KIAA0319L: variants seen among roughly 807,000 people sequenced by gnomAD.
KIAA0319L encodes the protein dyslexia-associated protein KIAA0319-like protein.
KIAA0319L carries 55 observed loss-of-function variants against 120.1 expected under a neutral mutation model. The observed-to-expected ratio is 0.46, with a 90% CI of 0.37 to 0.57. The LOEUF (loss-of-function observed/expected upper bound fraction) is 0.57, where lower values mean the gene tolerates loss of function less well. KIAA0319L is among the 20% of genes least tolerant of loss of function. The pLI is 0.00. For missense variants in KIAA0319L, 1,049 were observed against 1,255.3 expected (o/e 0.84, Z 2.48); for synonymous variants, 398 against 471.9 (o/e 0.84, Z 2.03).
intron 20 of KIAA0319L, chr1:35,440,231 G>A (rs931047106): frequency 6.6e-6 from 1 of 152,210 alleles, no homozygotes; most frequent in Admixed American, 6.5e-5. Context: ...TTCTGCTACT[G>A]TGTGTCTTTT....
chr1:35,511,215 GC>G (rs1645429743), intron 2 of KIAA0319L: 1 of 154,496 alleles, frequency 6.5e-6, no homozygotes, highest in Non-Finnish European at 1.4e-5. Context: ...CTGTAGGAAA[GC>G]CTTTACAAAG....
At chr1:35,441,215 C>T (rs1015748231) in intron 19 of KIAA0319L, 77 bp from the exon 20 acceptor site, 3 of 1,315,596 alleles carry the variant, frequency 2.3e-6, no homozygotes, top group Non-Finnish European at 3.3e-6. Flanking sequence ...GATGTGCATG[C>T]AGGGCCCTAT....
chr1:35,504,794 C>T (rs974043287), intron 3 of KIAA0319L, among the ~76,000 whole-genome samples: 55 of 152,184 alleles, frequency 3.6e-4, no homozygotes, highest in Non-Finnish European at 7.3e-4. Flanking sequence ...CTAATGGTTT[C>T]CCACTGATCT....
At chr1:35,557,548 A>C (rs1329972572), upstream of KIAA0319L, 1 of 396,020 alleles carries the variant, frequency 2.5e-6, no homozygotes, top group African/African-American at 2.1e-5. Context: ...AAAACTACGC[A>C]CAAGCGAAGG....
chr1:35,553,353 TAA>T (rs771119609), intron 2 of KIAA0319L, among the ~76,000 whole-genome samples: 14 of 136,864 alleles, frequency 1.0e-4, no homozygotes, highest in Non-Finnish European at 4.9e-5. Flanking sequence ...TCATCTGGGG[TAA>T]AAAAAAAAAA....
At chr1:35,482,159 G>A (rs182437552) in intron 3 of KIAA0319L, among the ~76,000 whole-genome samples, 8 of 151,928 alleles carry the variant, frequency 5.3e-5, no homozygotes, top group African/African-American at 1.9e-4. Flanking sequence ...TTCCTAAAAG[G>A]TTCTATAAAT....
chr1:35,552,702 G>A (rs1309077766), intron 2 of KIAA0319L, among the ~76,000 whole-genome samples: 2 of 152,138 alleles, frequency 1.3e-5, no homozygotes, highest in Non-Finnish European at 2.9e-5. Context: ...GCCAAAGTTG[G>A]AGGATCGACT....
intron 3 of KIAA0319L, among the ~76,000 whole-genome samples, chr1:35,498,545 A>G (rs1644893949): frequency 6.6e-6 from 1 of 152,010 alleles, no homozygotes; most frequent in African/African-American, 2.4e-5. Context: ...CATCTCTCCA[A>G]TTCTCTTCTC....
intron 16 of KIAA0319L, among the ~76,000 whole-genome samples, chr1:35,444,662 T>C (rs893364390): frequency 6.6e-6 from 1 of 152,214 alleles, no homozygotes; most frequent in African/African-American, 2.4e-5. Flanking sequence ...ACTCTCCATC[T>C]AACTGGAGGA....
chr1:35,486,758 A>G (rs1388352519), intron 3 of KIAA0319L, among the ~76,000 whole-genome samples: 1 of 151,328 alleles, frequency 6.6e-6, no homozygotes, highest in Non-Finnish European at 1.5e-5. Context: ...AAAAAAAATT[A>G]TAATTAGCTG....
chr1:35,508,422 C>T (rs1277386431), intron 2 of KIAA0319L, among the ~76,000 whole-genome samples: 1 of 152,168 alleles, frequency 6.6e-6, no homozygotes, highest in Non-Finnish European at 1.5e-5. Context: ...ATCTGACTCC[C>T]ACGGAATACT....
At chr1:35,526,386 T>TACATATATATATATATATATATATACAC (rs1558595992) in intron 2 of KIAA0319L, among the ~76,000 whole-genome samples, 14 of 118,238 alleles carry the variant, frequency 1.2e-4, no homozygotes, top group South Asian at 7.6e-4. Context: ...TATATATACA[T>TACATATATATATATATATATATATACAC]ACATATATAT....
intron 2 of KIAA0319L, among the ~76,000 whole-genome samples, chr1:35,523,041 T>G (rs1570944547): frequency 6.7e-6 from 1 of 148,880 alleles, no homozygotes; most frequent in Non-Finnish European, 1.5e-5. Flanking sequence ...AAAAAAAATC[T>G]TGTATGGTTT....
In KIAA0319L at chr1:35,449,916, A is replaced by G. The variant is rs766396851; in HGVS notation, c.2304T>C (p.Asp768=). Residue 768 remains aspartate, a synonymous_variant, in exon 15 of 21, where the codon GAT becomes GAC. Transcript: ENST00000325722. ...GTYTFHLKVT[D]AKGESDTDRT... is the part of the protein sequence containing the mutation. ...GGTCTGTGTCACTCTCACCCTTTGC[A>G]TCGGTCACTTTCAGGTGAAAAGTGT... 48 of 1,613,956 alleles carry G rather than the reference A, an allele frequency of 3.0e-5. No homozygotes were observed. The highest frequency in any genetic ancestry group is 3.9e-5 in the Non-Finnish European group (46 of 1,179,990).
chr1:35,515,547 G>A (rs1645646064), intron 2 of KIAA0319L, among the ~76,000 whole-genome samples: 1 of 152,126 alleles, frequency 6.6e-6, no homozygotes, highest in South Asian at 2.1e-4. Context: ...GAATCTCTGG[G>A]ACACAGCTAA....
At chr1:35,442,738 C>T (rs1449651724) in intron 18 of KIAA0319L, among the ~76,000 whole-genome samples, 168 bp downstream of exon 18, 1 of 152,208 alleles carries the variant, frequency 6.6e-6, no homozygotes, top group Non-Finnish European at 1.5e-5. Flanking sequence ...TTCCTCTAAC[C>T]TTGAGCAAGT....
chr1:35,547,043 ATAT>A (rs936435561), intron 2 of KIAA0319L, among the ~76,000 whole-genome samples: 6 of 146,658 alleles, frequency 4.1e-5, no homozygotes, highest in African/African-American at 1.2e-4. Flanking sequence ...GATCATATAT[ATAT>A]TATTACATGT....
chr1:35,540,412 G>A (rs1184182344), intron 2 of KIAA0319L, among the ~76,000 whole-genome samples: 8 of 152,218 alleles, frequency 5.3e-5, no homozygotes, highest in Non-Finnish European at 1.2e-4. Context: ...AAAAGGGCAG[G>A]AGCACCCTAA....
chr1:35,446,149 G>A (rs1641605882), intron 16 of KIAA0319L, among the ~76,000 whole-genome samples: 1 of 152,080 alleles, frequency 6.6e-6, no homozygotes, highest in African/African-American at 2.4e-5. Context: ...AATCTCTGGG[G>A]CTAAGGCTTG....
Sources: gnomAD v4.1 joint callset for allele counts (sites outside exome capture counted in the v4.1 genomes callset) on GRCh38, gnomAD v4.1.1 for gene constraint, MANE v1.5 for transcripts, NCBI Gene and HGNC (gene_info 2026-07-23, HGNC 2026-07-21) for gene names.